Variants in FAAH2 observed in about 807,000 individuals in gnomAD.
FAAH2 encodes fatty-acid amide hydrolase 2.
FAAH2 carries 60 observed loss-of-function variants against 36.9 expected under a neutral mutation model. That is an observed-to-expected ratio of 1.63 (90% CI 1.32 to 2.02). The LOEUF (loss-of-function observed/expected upper bound fraction) is 2.02, where lower values mean the gene tolerates loss of function less well. FAAH2 is among the 30% of genes most tolerant of loss of function. The pLI is 0.00. For missense variants in FAAH2, 689 were observed against 397.5 expected, an observed-to-expected ratio of 1.73 and a Z score of -6.23; for synonymous variants, 214 against 143.8, an observed-to-expected ratio of 1.49 and a Z score of -3.49.
At chrX:57,449,250 C>A (rs936421411) in intron 10 of FAAH2, among the ~76,000 whole-genome samples, 1 of 112,070 alleles carries the variant, frequency 8.9e-6, no homozygotes, top group Non-Finnish European at 1.9e-5. Context: ...TGGACATGTA[C>A]TAGGTCAGTT....
At chrX:57,301,478 G>C (rs1173162140) in intron 2 of FAAH2, among the ~76,000 whole-genome samples, 3 of 97,135 alleles carry the variant, frequency 3.1e-5, no homozygotes, top group Non-Finnish European at 4.1e-5. Context: ...GGGGGGAGGG[G>C]GGATGGATAG....
the FAAH2 span, among the ~76,000 whole-genome samples, chrX:57,185,703 C>T: frequency 2.7e-5 from 3 of 110,175 alleles, no homozygotes; most frequent in South Asian, 1.2e-3. Context: ...TGCTCTCCCT[C>T]GCCTTTCCCC....
At chrX:57,355,085 T>C (rs1426623251) in intron 5 of FAAH2, among the ~76,000 whole-genome samples, 3 of 110,994 alleles carry the variant, frequency 2.7e-5, no homozygotes, top group Non-Finnish European at 3.8e-5. Flanking sequence ...ATTGTAACTA[T>C]GCCTGTTACT....
chrX:57,300,012 A>C (rs1187413589), intron 2 of FAAH2, among the ~76,000 whole-genome samples: 1 of 111,643 alleles, frequency 9.0e-6, no homozygotes, highest in African/African-American at 3.3e-5. Context: ...AATCAATATC[A>C]TGAAAATGGC....
At chrX:57,169,897 C>A in the FAAH2 span, among the ~76,000 whole-genome samples, 21 of 107,308 alleles carry the variant, frequency 2.0e-4, no homozygotes, top group Admixed American at 4.0e-4. Flanking sequence ...CACACACAAA[C>A]ACACACACAC....
intron 7 of FAAH2, among the ~76,000 whole-genome samples, chrX:57,403,587 A>G (rs1196860912): frequency 1.8e-5 from 2 of 112,781 alleles, no homozygotes; most frequent in African/African-American, 6.4e-5. Context: ...TAACCTTTTG[A>G]GTCAGGATTG....
At chrX:57,448,457 G>A (rs749464004) in intron 9 of FAAH2, 67 bp from the exon 10 acceptor site, 1 of 990,300 alleles carries the variant, frequency 1.0e-6, no homozygotes, top group Admixed American at 3.3e-5. Flanking sequence ...AATAAGAAAA[G>A]ATAAAGAACA....
At chrX:57,425,880 C>T (rs1014889251) in intron 7 of FAAH2, among the ~76,000 whole-genome samples, 1 of 111,818 alleles carries the variant, frequency 8.9e-6, no homozygotes, top group Admixed American at 9.5e-5. Context: ...GAATTAAATA[C>T]TCCACTTAAA....
the FAAH2 span, among the ~76,000 whole-genome samples, chrX:57,180,124 C>A: frequency 9.0e-6 from 1 of 111,539 alleles, no homozygotes; most frequent in East Asian, 2.8e-4. Flanking sequence ...CAGTGTTAAG[C>A]AGTACATTTA....
chrX:57,335,236 G>C (rs1432442291), intron 4 of FAAH2, among the ~76,000 whole-genome samples: 2 of 110,978 alleles, frequency 1.8e-5, no homozygotes, highest in Non-Finnish European at 3.8e-5. Context: ...GGAAAAGAAA[G>C]AAAGAGACAC....
the FAAH2 span, among the ~76,000 whole-genome samples, chrX:57,241,744 C>A: frequency 9.0e-6 from 1 of 111,498 alleles, no homozygotes; most frequent in African/African-American, 3.3e-5. Context: ...ATTCTTATGC[C>A]TTTGCATCCT....
At chrX:57,302,399 C>T (rs1275155855) in intron 2 of FAAH2, among the ~76,000 whole-genome samples, 2 of 111,681 alleles carry the variant, frequency 1.8e-5, no homozygotes, top group African/African-American at 6.5e-5. Flanking sequence ...TTACTATACA[C>T]CTGGTAGCAT....
chrX:57,450,099 G>C (rs1169386910), intron 10 of FAAH2, among the ~76,000 whole-genome samples: 1 of 111,250 alleles, frequency 9.0e-6, no homozygotes, highest in African/African-American at 3.3e-5. Flanking sequence ...GAAATATACT[G>C]TTTATACCTT....
intron 10 of FAAH2, among the ~76,000 whole-genome samples, chrX:57,466,146 C>A (rs867114891): frequency 1.3e-5 from 1 of 79,788 alleles, no homozygotes; most frequent in East Asian, 3.9e-4. Context: ...CTCTCTCTCT[C>A]TCTCTCTCTC....
At chrX:57,360,183 T>G (rs1210252754) in intron 5 of FAAH2, among the ~76,000 whole-genome samples, 1 of 110,522 alleles carries the variant, frequency 9.0e-6, no homozygotes, top group Non-Finnish European at 1.9e-5. Flanking sequence ...GGGTTTATCT[T>G]AGAGTTTCAT....
intron 5 of FAAH2, among the ~76,000 whole-genome samples, chrX:57,350,747 A>C (rs2053978521): frequency 1.8e-5 from 2 of 111,295 alleles, no homozygotes; most frequent in African/African-American, 6.5e-5. Flanking sequence ...AAAAACAATT[A>C]AAAAGGTGAT....
the FAAH2 span, among the ~76,000 whole-genome samples, chrX:57,224,005 AT>A: frequency 4.5e-5 from 5 of 110,871 alleles, no homozygotes; most frequent in African/African-American, 1.6e-4. Flanking sequence ...TAAACAAAAA[AT>A]CTCCCTTTCA....
At chrX:57,413,778 T>C (rs961166016) in intron 7 of FAAH2, among the ~76,000 whole-genome samples, 1 of 112,079 alleles carries the variant, frequency 8.9e-6, no homozygotes, top group Non-Finnish European at 1.9e-5. Flanking sequence ...GGGATAGCAT[T>C]GAATTTATAA....
chrX:57,487,333 G>A (rs2057492841), intron 10 of FAAH2, among the ~76,000 whole-genome samples: 1 of 109,620 alleles, frequency 9.1e-6, no homozygotes, highest in African/African-American at 3.3e-5. Flanking sequence ...TAACAATAAA[G>A]TAAAAAGGAA....
Sources: gnomAD v4.1 joint callset for allele counts (sites outside exome capture counted in the v4.1 genomes callset) on GRCh38, gnomAD v4.1.1 for gene constraint, MANE v1.5 for transcripts, NCBI Gene and HGNC (gene_info 2026-07-23, HGNC 2026-07-21) for gene names.